The following MAP4K3 variants were observed in gnomAD, a reference collection of about 807,000 sequenced individuals.
MAP4K3 encodes the protein mitogen-activated protein kinase kinase kinase kinase 3.
MAP4K3 carries 94 observed loss-of-function variants against 143.5 expected under a neutral mutation model. The observed-to-expected ratio is 0.65, with a 90% CI of 0.55 to 0.78. The LOEUF (loss-of-function observed/expected upper bound fraction) is 0.78. Ranked by LOEUF, MAP4K3 falls within the 30% of genes least tolerant of loss-of-function variation. The pLI is 0.00. For missense variants in MAP4K3, 1,077 were observed against 1,068.1 expected (o/e 1.01, Z -0.12); for synonymous variants, 416 against 347.2 (o/e 1.20, Z -2.20).
At chr2:39,329,609 C>A (rs1169230086) in intron 8 of MAP4K3, among the ~76,000 whole-genome samples, 1 of 152,162 alleles carries the variant, frequency 6.6e-6, no homozygotes, top group Admixed American at 6.6e-5. Context: ...CCCTGGCATT[C>A]CTACTCTTAT....
rs150226512 is a variant in MAP4K3 at position 39,327,081 on chromosome 2, A to T, written c.531-804T>A. ...ACAATTCTAATAGACCAACACGTCC[A>T]AAATCATTCATGCTCCCAATCTCTC... On this transcript the variant is annotated intron_variant, in intron 8 of 33. Transcript: ENST00000263881. Among the ~76,000 whole-genome samples, 6 of 152,332 alleles carry T rather than the reference A, an allele frequency of 3.9e-5. No homozygotes were observed. The East Asian group carries it at 1.2e-3, about 29-fold the overall frequency.
intron 11 of MAP4K3, 26 bp downstream of exon 11, chr2:39,325,704 T>C (rs1683466937): frequency 6.4e-7 from 1 of 1,572,114 alleles, no homozygotes; most frequent in Non-Finnish European, 8.7e-7. Context: ...GAAATATATA[T>C]ATATATTTCA....
chr2:39,365,821 T>C (rs1665907579), intron 2 of MAP4K3, among the ~76,000 whole-genome samples: 1 of 152,216 alleles, frequency 6.6e-6, no homozygotes. Flanking sequence ...AGGTTTCTCA[T>C]GCCATTGTTA....
chr2:39,319,736 T>A (rs1573144265), intron 12 of MAP4K3, among the ~76,000 whole-genome samples: 1 of 152,306 alleles, frequency 6.6e-6, no homozygotes, highest in East Asian at 1.9e-4. Flanking sequence ...ATGCAGTAGA[T>A]AAGAACCTAG....
chr2:39,276,940 C>T (rs574661705), intron 24 of MAP4K3, among the ~76,000 whole-genome samples: 59 of 152,300 alleles, frequency 3.9e-4, no homozygotes, highest in African/African-American at 1.2e-3. Flanking sequence ...GGCTGCACAA[C>T]GCTGTGAACG....
chr2:39,390,299 G>A (rs1243058672), intron 1 of MAP4K3, among the ~76,000 whole-genome samples: 3 of 152,142 alleles, frequency 2.0e-5, no homozygotes, highest in African/African-American at 7.2e-5. Context: ...CACCTACACT[G>A]AGAAATACGG....
intron 18 of MAP4K3, among the ~76,000 whole-genome samples, chr2:39,291,011 G>C (rs559905665): frequency 2.6e-5 from 4 of 151,408 alleles, no homozygotes; most frequent in East Asian, 3.9e-4. Flanking sequence ...CATGCAGAGA[G>C]CTGAGATCAC....
intron 31 of MAP4K3, among the ~76,000 whole-genome samples, chr2:39,257,060 A>T (rs1218294879): frequency 6.6e-6 from 1 of 152,228 alleles, no homozygotes; most frequent in Non-Finnish European, 1.5e-5. Context: ...TTGTTGGATG[A>T]ATGACATTCT....
At chr2:39,311,359 G>A (rs550845005) in intron 13 of MAP4K3, among the ~76,000 whole-genome samples, 3 of 152,260 alleles carry the variant, frequency 2.0e-5, no homozygotes, top group Non-Finnish European at 4.4e-5. Context: ...GATTACAGGC[G>A]TGAGCCACTG....
chr2:39,393,607 C>G (rs1002072197), intron 1 of MAP4K3, among the ~76,000 whole-genome samples: 5 of 152,098 alleles, frequency 3.3e-5, no homozygotes, highest in African/African-American at 1.2e-4. Flanking sequence ...TATGTGCTCC[C>G]AAAGCGAGCA....
intron 13 of MAP4K3, among the ~76,000 whole-genome samples, chr2:39,310,185 C>T (rs1032529398): frequency 1.3e-5 from 2 of 152,184 alleles, no homozygotes; most frequent in African/African-American, 4.8e-5. Context: ...TGCTACTGAA[C>T]ACTAGAATGT....
Position 39,411,818 on chromosome 2 carries a change from C to A in MAP4K3, c.96+25074G>T, listed in dbSNP as rs2148618321. Among the ~76,000 whole-genome samples the A allele has an allele frequency of 2.6e-5, 4 of 152,222 alleles. No homozygotes were observed. The Middle Eastern group carries it at 0.01, about 391-fold the overall frequency. On this transcript the variant is annotated intron_variant, in intron 1 of 33. Transcript: ENST00000263881. ...TGACTAAACGTAATGGCTTGAGGTT[C>A]GAAGGGTAATGGCTACATATCTACA...
chr2:39,293,275 A>G lies in MAP4K3; in HGVS notation c.1179-7T>C. 6.6e-7 allele frequency: 1 copy of G among 1,519,648 alleles called. No individual in the cohort carries two copies. Among genetic ancestry groups the G allele is most frequent in the East Asian group, 2.3e-5 (1 of 42,648 alleles). The allele number at this position is 1,519,648 out of a possible 1,614,324, so 94.1% of individuals were successfully genotyped here. A position where few individuals can be genotyped will look rare whatever the true frequency, so the allele number is the denominator to read the frequency against. ...AACAGACTTGAGAAGACTCCTTAAA[A>G]GAAAAAACAAAAACAAAAAATAATG... On this transcript the variant is annotated splice_polypyrimidine_tract_variant and splice_region_variant and intron_variant, in intron 16 of 33. Transcript: ENST00000263881.
chr2:39,366,295 C>T (rs1241936176), intron 2 of MAP4K3, among the ~76,000 whole-genome samples: 2 of 151,850 alleles, frequency 1.3e-5, no homozygotes, highest in Admixed American at 6.5e-5. Context: ...GAGGTGGTGG[C>T]TTCCAGGTTA....
intron 4 of MAP4K3, among the ~76,000 whole-genome samples, chr2:39,339,154 T>A (rs1665069756): frequency 6.6e-6 from 1 of 152,180 alleles, no homozygotes. Flanking sequence ...CATGTTTAGT[T>A]TGGAGTACTT....
At chr2:39,299,590 T>C (rs1352388604) in intron 16 of MAP4K3, among the ~76,000 whole-genome samples, 153 bp downstream of exon 16, 2 of 152,086 alleles carry the variant, frequency 1.3e-5, no homozygotes, top group Admixed American at 1.3e-4. Context: ...AACTAAATAA[T>C]GAGCAAGGAA....
chr2:39,326,548 C>T (rs1018946915), intron 8 of MAP4K3, among the ~76,000 whole-genome samples: 1 of 152,050 alleles, frequency 6.6e-6, no homozygotes, highest in Non-Finnish European at 1.5e-5. Flanking sequence ...TGGATTTGGA[C>T]TTCTGGGTTA....
At chr2:39,369,389 T>C (rs1485031713) in intron 2 of MAP4K3, among the ~76,000 whole-genome samples, 1 of 151,840 alleles carries the variant, frequency 6.6e-6, no homozygotes, top group Non-Finnish European at 1.5e-5. Context: ...TCAGCTGATC[T>C]GCCCGCCTCG....
intron 2 of MAP4K3, among the ~76,000 whole-genome samples, chr2:39,365,740 G>A (rs923805687): frequency 7.9e-5 from 12 of 152,106 alleles, no homozygotes; most frequent in South Asian, 6.2e-4. Context: ...CACCGCGCCC[G>A]GCCCATAGTA....
Sources: gnomAD v4.1 joint callset for allele counts (sites outside exome capture counted in the v4.1 genomes callset) on GRCh38, gnomAD v4.1.1 for gene constraint, MANE v1.5 for transcripts, NCBI Gene and HGNC (gene_info 2026-07-23, HGNC 2026-07-21) for gene names.